Variants in BBS4 observed in about 807,000 individuals in gnomAD.
BBS4 encodes BBSome complex member BBS4.
BBS4 carries 58 observed loss-of-function variants against 71.4 expected under a neutral mutation model. The ratio of observed to expected loss-of-function variants is 0.81; its 90% CI spans 0.66 to 1.01. BBS4 has a LOEUF of 1.01. Ranked by LOEUF, BBS4 falls within the 50% of genes least tolerant of loss-of-function variation. The probability of loss-of-function intolerance (pLI) is 0.00; values close to 1 mark genes in which losing one functional copy is unlikely to be tolerated. For missense variants in BBS4, 660 were observed against 607.9 expected (o/e 1.09, Z -0.90); for synonymous variants, 228 against 216.8 (o/e 1.05, Z -0.46).
At chr15:72,725,897 C>A (rs1595939936) in intron 8 of BBS4, among the ~76,000 whole-genome samples, 3 of 2,986 alleles carry the variant, frequency 1.0e-3, no homozygotes. Context: ...ATCCCCCTTT[C>A]CCCATCCCCC....
chr15:72,724,462 C>A, intron 7 of BBS4, 66 bp from the exon 8 acceptor site: 1 of 1,598,446 alleles, frequency 6.3e-7, no homozygotes, highest in Non-Finnish European at 8.6e-7. Context: ...TTTACATTAG[C>A]CATATAAAGG....
intron 6 of BBS4, among the ~76,000 whole-genome samples, chr15:72,717,903 C>A (rs1336074043): frequency 6.6e-6 from 1 of 152,140 alleles, no homozygotes; most frequent in Non-Finnish European, 1.5e-5. Context: ...GGCTGGAGTG[C>A]AGTGGCGTGA....
chr15:72,713,046 A>C lies in BBS4; in HGVS notation c.220+739A>C, dbSNP rs1375274274. Among the ~76,000 whole-genome samples the C allele has an allele frequency of 2.0e-5, 3 of 150,316 alleles. No individual in the cohort carries two copies. The East Asian group carries it at 5.8e-4, about 29-fold the overall frequency. Reference sequence around the variant, plus strand: ...TTTTTTTTTTTTGGTAGAGAGACAGAGTCTCACTTTGTTGCCCAGGCTGGT... The same window carrying C: ...TTTTTTTTTTTTGGTAGAGAGACAGCGTCTCACTTTGTTGCCCAGGCTGGT... On this transcript the variant is annotated intron_variant, in intron 4 of 15. Transcript: ENST00000268057.
At position 72,720,444 on chromosome 15, in the gene BBS4, G is replaced by A. The variant is rs141453656; in HGVS notation, c.406-2350G>A. On this transcript the variant is annotated intron_variant, in intron 6 of 15. Coordinates refer to ENST00000268057, the MANE Select transcript of BBS4 (RefSeq NM_033028.5). ...CAGTGATGCGGTGAACTGTGATTGT[G>A]TCACTGCACTTCAGCATGGAAAGCA... 1.1e-3 allele frequency among the ~76,000 whole-genome samples: 171 copies of A among 149,418 alleles called. 1 individual carries two copies. Among genetic ancestry groups the A allele is most frequent in the African/African-American group, 4.2e-3 (168 of 40,454 alleles).
At chr15:72,700,301 T>C (rs2151003624) in intron 2 of BBS4, among the ~76,000 whole-genome samples, 1 of 152,324 alleles carries the variant, frequency 6.6e-6, no homozygotes, top group Admixed American at 6.5e-5. Flanking sequence ...CTTGAATAAG[T>C]GCCTAGGGAG....
chr15:72,720,970 A>G (rs1005223045), intron 6 of BBS4, among the ~76,000 whole-genome samples: 11 of 152,182 alleles, frequency 7.2e-5, no homozygotes, highest in Non-Finnish European at 1.5e-5. Flanking sequence ...CAGGACATCT[A>G]TTTACTTACC....
chr15:72,698,029 A>G, intron 2 of BBS4: 1 of 455,886 alleles, frequency 2.2e-6, no homozygotes, highest in South Asian at 1.5e-5. Flanking sequence ...GATCTTACCC[A>G]TCATTGAGGT....
intron 10 of BBS4, 135 bp downstream of exon 10, chr15:72,729,819 G>T: frequency 1.4e-6 from 1 of 734,976 alleles, no homozygotes; most frequent in South Asian, 1.6e-5. Flanking sequence ...TAAATAAAAG[G>T]TGGCTCTTCT....
intron 9 of BBS4, among the ~76,000 whole-genome samples, chr15:72,729,154 G>A (rs146643771): frequency 8.2e-6 from 1 of 121,298 alleles, no homozygotes; most frequent in East Asian, 2.7e-4. Context: ...TCTGGTAACT[G>A]TAGCTGCTTT....
At position 72,735,161 on chromosome 15, in the gene BBS4, C is replaced by T; in HGVS notation, c.1085C>T (p.Ala362Val). The T allele has an allele frequency of 6.2e-7, 1 of 1,613,666 alleles. No individual in the cohort carries two copies. Among genetic ancestry groups the T allele is most frequent in the Non-Finnish European group, 8.5e-7 (1 of 1,179,672 alleles). The change falls in exon 13 of 16, where the codon GCA becomes GTA. Residue 362 changes from alanine (A) to valine (V), a missense_variant. Physicochemically the swap from Ala to Val is moderately conservative, Grantham distance 64. Coordinates refer to ENST00000268057, the MANE Select transcript of BBS4 (RefSeq NM_033028.5). ...ATAGAAAATGCCAAGAGAGCCTACG[C>T]AGAAGCAGTCCACCTGGATAAGTAT... The part of the protein sequence containing the change: ...EDIENAKRAY[A>V]EAVHLDKCNP...
rs771868484 is a variant in BBS4 at position 72,736,968 on chromosome 15, G to A, written c.1450+5G>A. 5 of 1,613,874 alleles carry A rather than the reference G, an allele frequency of 3.1e-6. No individual in the cohort carries two copies. The South Asian group carries it at 5.5e-5, about 18-fold the overall frequency. Reference sequence around the variant, plus strand: ...CATACAGGACGCTCCCCTCAGGTAGGACCATACAGAGCTCCATGAAGACCT... The same window carrying A: ...CATACAGGACGCTCCCCTCAGGTAGAACCATACAGAGCTCCATGAAGACCT... On this transcript the variant is annotated splice_donor_5th_base_variant and intron_variant, in intron 15 of 15. Coordinates refer to ENST00000268057, the MANE Select transcript of BBS4 (RefSeq NM_033028.5).
intron 9 of BBS4, among the ~76,000 whole-genome samples, chr15:72,728,700 A>G (rs2065749236): frequency 1.3e-5 from 2 of 152,204 alleles, no homozygotes; most frequent in Non-Finnish European, 2.9e-5. Flanking sequence ...ACTTTTATCT[A>G]GAATAAGAAG....
At chr15:72,694,176 C>T (rs1320243277) in intron 1 of BBS4, among the ~76,000 whole-genome samples, 3 of 140,900 alleles carry the variant, frequency 2.1e-5, no homozygotes, top group Non-Finnish European at 4.6e-5. Flanking sequence ...TGAGGCACGG[C>T]GTCTGGCCTT....
In BBS4 at chr15:72,731,581, C is replaced by A. The variant is rs2065824453; in HGVS notation, c.891C>A (p.Asn297Lys). The A allele has an allele frequency of 1.2e-6, 2 of 1,614,090 alleles. No homozygotes were observed. Among genetic ancestry groups the A allele is most frequent in the African/African-American group, 1.3e-5 (1 of 74,918 alleles). The change falls in exon 12 of 16, where the codon AAC (asparagine) becomes AAA (lysine). Residue 297 changes from asparagine to lysine, a missense_variant. Transcript: ENST00000268057. ...VAAISCLKRA[N>K]YLAPFDWKIL... ...CCATCAGCTGCCTGAAACGAGCCAACTACTTGGCACCCTTTGATTGGAAGA... is the reference window on the plus strand; with the variant it reads ...CCATCAGCTGCCTGAAACGAGCCAAATACTTGGCACCCTTTGATTGGAAGA...
chr15:72,733,794 T>C (rs1442348663), intron 12 of BBS4, among the ~76,000 whole-genome samples: 2 of 152,216 alleles, frequency 1.3e-5, no homozygotes, highest in Non-Finnish European at 2.9e-5. Context: ...TACCCAGTAA[T>C]GGGATTGCTG....
intron 12 of BBS4, among the ~76,000 whole-genome samples, chr15:72,732,341 A>G (rs2045614448): frequency 6.6e-6 from 1 of 152,186 alleles, no homozygotes; most frequent in Admixed American, 6.5e-5. Context: ...CTGAAACTCC[A>G]TTTTATGCCA....
chr15:72,705,376 G>C lies in BBS4; in HGVS notation c.77-4324G>C, dbSNP rs2065244905. Among the ~76,000 whole-genome samples the C allele has an allele frequency of 2.0e-5, 3 of 152,284 alleles. No individual in the cohort carries two copies. The South Asian group carries it at 6.2e-4, about 32-fold the overall frequency. ...ATAGGACAGTTGTGTACACTGAAATGTTCTCTAAAATATTTGATGGAACGA... is the reference window on the plus strand; with the variant it reads ...ATAGGACAGTTGTGTACACTGAAATCTTCTCTAAAATATTTGATGGAACGA... On this transcript the variant is annotated intron_variant, in intron 2 of 15. Coordinates refer to ENST00000268057, the MANE Select transcript of BBS4 (RefSeq NM_033028.5).
intron 12 of BBS4, 136 bp downstream of exon 12, chr15:72,731,862 T>C: frequency 8.6e-7 from 1 of 1,162,104 alleles, no homozygotes; most frequent in East Asian, 2.5e-5. Context: ...ATTACTGTCC[T>C]GGAGCTTGAA....
chr15:72,712,172 A>G lies in BBS4; in HGVS notation c.157-72A>G, dbSNP rs879656267. The G allele has an allele frequency of 1.1e-5, 15 of 1,421,170 alleles. No homozygotes were observed. The African/African-American group carries it at 2.0e-4, about 19-fold the overall frequency. The allele number at this position is 1,421,170 out of a possible 1,614,324, so 88.0% of individuals were successfully genotyped here. A position where few individuals can be genotyped will look rare whatever the true frequency, so the allele number is the denominator to read the frequency against. On this transcript the variant is annotated intron_variant, in intron 3 of 15. Coordinates refer to ENST00000268057, the MANE Select transcript of BBS4 (RefSeq NM_033028.5). The stretch of plus-strand genomic sequence containing the variant: ...ATGAGCCACCGCACCTGGCCTGTCC[A>G]TGTCCACTTTTTCTTAAAGACACCT...
Sources: allele counts gnomAD v4.1 joint callset (sites outside exome capture counted in the v4.1 genomes callset), GRCh38; gene constraint gnomAD v4.1.1; transcripts MANE v1.5; gene names NCBI Gene and HGNC (gene_info 2026-07-23, HGNC 2026-07-21).